The following KXD1 variants were observed in gnomAD, a reference collection of about 807,000 sequenced individuals.
KXD1 encodes the protein KxDL motif containing 1, also known as kxDL motif-containing protein 1.
In KXD1, 5 loss-of-function variants were observed where a neutral mutation model predicts 12.1. That is an observed-to-expected ratio of 0.41 (90% CI 0.22 to 0.87). The LOEUF is 0.87. Among genes scored for constraint, KXD1 ranks in the 40% least tolerant of loss-of-function variants. KXD1 has a pLI of 0.31. For missense variants in KXD1, 193 were observed against 244.9 expected (o/e 0.79, Z 1.41); for synonymous variants, 98 against 100.5 (o/e 0.98, Z 0.15).
chr19:18,564,617 T>C (rs1975110609), intron 2 of KXD1, among the ~76,000 whole-genome samples: 1 of 152,094 alleles, frequency 6.6e-6, no homozygotes, highest in Admixed American at 6.6e-5. Context: ...AGCAAGACTC[T>C]GTCTCAAAAA....
chr19:18,566,917 C>T (rs1975269177), intron 3 of KXD1, among the ~76,000 whole-genome samples: 1 of 152,220 alleles, frequency 6.6e-6, no homozygotes, highest in African/African-American at 2.4e-5. Context: ...TTGGTGCCTA[C>T]CTTGGGGCTG....
chr19:18,568,793 T>G lies in KXD1; in HGVS notation c.*162T>G. 2 of 601,642 alleles carry G rather than the reference T, an allele frequency of 3.3e-6. No individual in the cohort carries two copies. Among genetic ancestry groups the G allele is most frequent in the Non-Finnish European group, 5.9e-6 (2 of 340,334 alleles). 37.3% of individuals were successfully genotyped at this position (601,642 alleles called of 1,614,324 possible). A position where few individuals can be genotyped will look rare whatever the true frequency, so the allele number is the denominator to read the frequency against. ...TCTCTCCCGAGGGGTGTGGAATTCC[T>G]GGGGGGGTCTTTAATTCTGGCTCCT... is the stretch of plus-strand genomic sequence containing the variant. On this transcript the variant is annotated 3_prime_UTR_variant, in exon 5 of 5. Coordinates refer to ENST00000222307, the MANE Select transcript of KXD1 (RefSeq NM_024069.4).
chr19:18,564,778 G>T, intron 2 of KXD1, 91 bp from the exon 3 acceptor site: 1 of 1,438,272 alleles, frequency 7.0e-7, no homozygotes, highest in South Asian at 1.2e-5. Flanking sequence ...TTGTGAAGCA[G>T]GCAAGGGCTT....
At chr19:18,567,834 G>T (rs144753455) in intron 4 of KXD1, among the ~76,000 whole-genome samples, 1 of 152,310 alleles carries the variant, frequency 6.6e-6, no homozygotes, top group Non-Finnish European at 1.5e-5. Context: ...CATATACCTA[G>T]CCCAGGTAGT....
At chr19:18,562,389 G>A (rs1007810162) in intron 2 of KXD1, among the ~76,000 whole-genome samples, 1 of 152,208 alleles carries the variant, frequency 6.6e-6, no homozygotes, top group African/African-American at 2.4e-5. Context: ...GGGGCCGCAG[G>A]GGCTCCTGTC....
At chr19:18,561,238 TAACA>T (rs749425558) in intron 1 of KXD1, among the ~76,000 whole-genome samples, 8 of 151,604 alleles carry the variant, frequency 5.3e-5, no homozygotes, top group South Asian at 4.2e-4. Flanking sequence ...CCCTGTCTCT[TAACA>T]AACAAACAAA....
At chr19:18,562,385 G>A (rs889079576) in intron 2 of KXD1, among the ~76,000 whole-genome samples, 1 of 152,218 alleles carries the variant, frequency 6.6e-6, no homozygotes, top group African/African-American at 2.4e-5. Flanking sequence ...GGCGGGGGCC[G>A]CAGGGGCTCC....
In KXD1 at chr19:18,562,016, T is replaced by A; in HGVS notation, c.-21-20T>A. ...TCACCTGGTGACTAGTGCAGACCAC[T>A]CTGTTCTTGCCTGTTTCAGGCAGCG... On this transcript the variant is annotated intron_variant, in intron 1 of 4. Transcript: ENST00000222307. 4 of 1,554,466 alleles carry A rather than the reference T, an allele frequency of 2.6e-6. No homozygotes were observed. The highest frequency in any genetic ancestry group is 3.5e-6 in the Non-Finnish European group (4 of 1,133,284).
chr19:18,564,031 C>T (rs991666118), intron 2 of KXD1, among the ~76,000 whole-genome samples: 7 of 151,984 alleles, frequency 4.6e-5, no homozygotes, highest in Non-Finnish European at 7.4e-5. Context: ...GGATTACAGG[C>T]GCCCGCCACC....
Position 18,568,515 on chromosome 19 carries a change from G to A in KXD1, c.415G>A (p.Asp139Asn), listed in dbSNP as rs990560009. The A allele has an allele frequency of 1.4e-5, 22 of 1,613,878 alleles. No individual in the cohort carries two copies. Among genetic ancestry groups the A allele is most frequent in the Middle Eastern group, 1.6e-4 (1 of 6,084 alleles). ...QSTGSCDTSP[D>N]TVSPSLSPGF... The stretch of plus-strand genomic sequence containing the variant: ...CACGGGCTCATGTGACACCAGCCCC[G>A]ACACCGTCTCGCCCTCCCTGAGCCC... The change falls in exon 5 of 5, where the codon GAC (aspartate) becomes AAC (asparagine). Residue 139 changes from aspartate (D) to asparagine (N), a missense_variant. Asp to Asn is a conservative substitution (Grantham distance 23, BLOSUM62 1). Transcript: ENST00000222307.
intron 1 of KXD1, among the ~76,000 whole-genome samples, chr19:18,561,057 C>G (rs1974900623): frequency 6.6e-6 from 1 of 151,968 alleles, no homozygotes; most frequent in Non-Finnish European, 1.5e-5. Context: ...AACGGGTTAG[C>G]TGATAACTAG....
chr19:18,568,733 C>T lies in KXD1; in HGVS notation c.*102C>T, dbSNP rs563181802. ...GTCATCCAGGGCTCCTTTGCTGCCC[C>T]GTTCTGTCACCCAGGGCTCCTAGGG... On this transcript the variant is annotated 3_prime_UTR_variant, in exon 5 of 5. Coordinates refer to ENST00000222307, the MANE Select transcript of KXD1 (RefSeq NM_024069.4). 85 of 840,834 alleles carry T rather than the reference C, an allele frequency of 1.0e-4. No individual in the cohort carries two copies. The African/African-American group carries it at 1.2e-3, about 12-fold the overall frequency. 52.1% of individuals were successfully genotyped at this position (840,834 alleles called of 1,614,324 possible).
chr19:18,567,552 C>G (rs2145259337), intron 4 of KXD1, among the ~76,000 whole-genome samples: 1 of 152,364 alleles, frequency 6.6e-6, no homozygotes, highest in South Asian at 2.1e-4. Context: ...CCATGTCCAG[C>G]TGTTACCCAC....
chr19:18,560,376 A>C (rs1169645660), intron 1 of KXD1: 1 of 152,110 alleles, frequency 6.6e-6, no homozygotes, highest in Non-Finnish European at 1.5e-5. Flanking sequence ...TGGGCCTCAG[A>C]GCCAAACTAT....
Position 18,562,066 on chromosome 19 carries a change from C to A in KXD1, c.10C>A (p.Pro4Thr). The change falls in exon 2 of 5, where the codon CCG becomes ACG. Residue 4 changes from proline (P) to threonine (T), a missense_variant. Coordinates refer to ENST00000222307, the MANE Select transcript of KXD1 (RefSeq NM_024069.4). MDL[P>T]DSASRVFCGR... ...GGAGGAGGAGAAAGAGATGGACCTCCCGGACTCGGCCTCGAGGGTCTTCTG... is the reference window on the plus strand; with the variant it reads ...GGAGGAGGAGAAAGAGATGGACCTCACGGACTCGGCCTCGAGGGTCTTCTG... 6.2e-7 allele frequency: 1 copy of A among 1,612,806 alleles called. No homozygotes were observed. The highest frequency in any genetic ancestry group is 8.5e-7 in the Non-Finnish European group (1 of 1,179,338).
chr19:18,565,094 A>G (rs759192339), intron 3 of KXD1, 73 bp downstream of exon 3: 16 of 1,576,982 alleles, frequency 1.0e-5, no homozygotes, highest in Non-Finnish European at 1.4e-5. Context: ...AGTTTCCTTC[A>G]CATACCAGGG....
At chr19:18,562,713 C>T (rs1189928528) in intron 2 of KXD1, among the ~76,000 whole-genome samples, 2 of 152,244 alleles carry the variant, frequency 1.3e-5, no homozygotes, top group African/African-American at 2.4e-5. Flanking sequence ...CCACCCGCCT[C>T]GGCCTCCCGA....
chr19:18,561,978 T>C, intron 1 of KXD1, 58 bp from the exon 2 acceptor site: 1 of 1,182,910 alleles, frequency 8.5e-7, no homozygotes, highest in Non-Finnish European at 1.2e-6. Flanking sequence ...CGGCCTGGCC[T>C]CTTGGTCCCA....
chr19:18,568,573 G>T lies in KXD1; in HGVS notation c.473G>T (p.Gly158Val). The T allele has an allele frequency of 6.2e-7, 1 of 1,613,436 alleles. No individual in the cohort carries two copies. The change falls in exon 5 of 5, where the codon GGC (glycine) becomes GTC (valine). Residue 158 changes from glycine to valine, a missense_variant. Transcript: ENST00000222307. The part of the protein sequence containing the change: ...GFEDLSHVQP[G>V]SPAINGRSQT... Reference sequence around the variant, plus strand: ...GAGGACCTGTCCCATGTCCAGCCTGGCTCCCCAGCCATCAACGGCCGCAGC... The same window carrying T: ...GAGGACCTGTCCCATGTCCAGCCTGTCTCCCCAGCCATCAACGGCCGCAGC...
Sources: allele counts gnomAD v4.1 joint callset (sites outside exome capture counted in the v4.1 genomes callset), GRCh38; gene constraint gnomAD v4.1.1; transcripts MANE v1.5; gene names NCBI Gene and HGNC (gene_info 2026-07-23, HGNC 2026-07-21).